Variants in NLGN1 observed in about 807,000 individuals in gnomAD.
NLGN1 encodes the protein neuroligin-1.
NLGN1 carries 12 observed loss-of-function variants against 65.5 expected under a neutral mutation model. That is an observed-to-expected ratio of 0.18 (90% CI 0.12 to 0.30). NLGN1 has a LOEUF of 0.30. NLGN1 is among the 10% of genes least tolerant of loss of function. The pLI, the probability that NLGN1 is intolerant of heterozygous loss-of-function variation, is 1.00. For synonymous variants in NLGN1, 350 were observed against 359.5 expected (o/e 0.97, Z 0.30); for missense variants, 750 against 1,007.1 (o/e 0.74, Z 3.46).
intron 3 of NLGN1, among the ~76,000 whole-genome samples, chr3:173,664,911 A>C (rs555977340): frequency 6.6e-6 from 1 of 152,190 alleles, no homozygotes; most frequent in South Asian, 2.1e-4. Flanking sequence ...AATGCTCTGA[A>C]TTTCCACTGC....
intron 4 of NLGN1, among the ~76,000 whole-genome samples, chr3:173,947,878 A>G (rs1294864889): frequency 6.6e-6 from 1 of 152,230 alleles, no homozygotes; most frequent in Non-Finnish European, 1.5e-5. Context: ...TTGGAGTAAT[A>G]GAGGGACTTT....
chr3:173,815,782 C>T (rs969061319), intron 4 of NLGN1, among the ~76,000 whole-genome samples: 3 of 152,080 alleles, frequency 2.0e-5, no homozygotes, highest in Non-Finnish European at 4.4e-5. Flanking sequence ...CAAGACTAAC[C>T]CTTCCTCAGA....
chr3:173,612,753 C>G (rs1044241770), intron 3 of NLGN1, among the ~76,000 whole-genome samples: 1 of 152,038 alleles, frequency 6.6e-6, no homozygotes, highest in Non-Finnish European at 1.5e-5. Flanking sequence ...AACTGGGTAG[C>G]GTAAACAGCA....
intron 2 of NLGN1, among the ~76,000 whole-genome samples, chr3:173,590,613 A>T (rs1216494999): frequency 6.6e-6 from 1 of 152,170 alleles, no homozygotes; most frequent in African/African-American, 2.4e-5. Context: ...GAATGAATGA[A>T]AATCGACTTG....
At chr3:173,628,182 A>G (rs945202440) in intron 3 of NLGN1, among the ~76,000 whole-genome samples, 1 of 152,084 alleles carries the variant, frequency 6.6e-6, no homozygotes, top group Non-Finnish European at 1.5e-5. Flanking sequence ...CTCTAGGATG[A>G]CCTTGCTCTG....
intron 2 of NLGN1, among the ~76,000 whole-genome samples, chr3:173,526,700 C>T (rs1482769708): frequency 6.6e-6 from 1 of 152,164 alleles, no homozygotes; most frequent in African/African-American, 2.4e-5. Flanking sequence ...GTCTTATTCA[C>T]ACTTTCTAAC....
chr3:173,949,592 A>C (rs936697606), intron 4 of NLGN1, among the ~76,000 whole-genome samples: 2 of 152,294 alleles, frequency 1.3e-5, no homozygotes, highest in Middle Eastern at 3.4e-3. Context: ...TGAATTGTTA[A>C]ATAATCTTCA....
chr3:173,472,214 C>T (rs977785402), intron 2 of NLGN1, among the ~76,000 whole-genome samples: 1 of 152,008 alleles, frequency 6.6e-6, no homozygotes, highest in Non-Finnish European at 1.5e-5. Flanking sequence ...AGCTTCTTAC[C>T]CTGCCCAGTG....
intron 4 of NLGN1, among the ~76,000 whole-genome samples, chr3:174,155,415 C>T (rs758988961): frequency 2.0e-5 from 3 of 151,766 alleles, no homozygotes; most frequent in Non-Finnish European, 4.4e-5. Context: ...AGCTGTAGTA[C>T]TGCAAGAGAA....
chr3:173,781,004 C>A (rs538916107), intron 3 of NLGN1, among the ~76,000 whole-genome samples: 87 of 151,726 alleles, frequency 5.7e-4, no homozygotes, highest in Non-Finnish European at 1.1e-3. Flanking sequence ...ATTAGCCAGG[C>A]GTGGTGGCGG....
At chr3:174,212,235 C>T (rs1270798408) in intron 4 of NLGN1, among the ~76,000 whole-genome samples, 3 of 152,322 alleles carry the variant, frequency 2.0e-5, no homozygotes, top group Middle Eastern at 3.4e-3. Context: ...CCTCACTGTC[C>T]GGGGCCAGCA....
At chr3:173,912,596 A>G (rs768146756) in intron 4 of NLGN1, 1 of 152,172 alleles carries the variant, frequency 6.6e-6, no homozygotes, top group Non-Finnish European at 1.5e-5. Flanking sequence ...CTCTAAAAAC[A>G]TTGGAAAAAC....
At chr3:174,076,845 A>C (rs1401603513) in intron 4 of NLGN1, among the ~76,000 whole-genome samples, 2 of 151,916 alleles carry the variant, frequency 1.3e-5, no homozygotes, top group Non-Finnish European at 2.9e-5. Context: ...GAAATGGCTA[A>C]TGAATTCTAT....
At chr3:173,459,595 C>A (rs746141834) in intron 2 of NLGN1, among the ~76,000 whole-genome samples, 21 of 151,958 alleles carry the variant, frequency 1.4e-4, no homozygotes, top group Non-Finnish European at 2.6e-4. Context: ...TCATGAGAAA[C>A]CATGGAAGTT....
At chr3:173,980,485 G>C (rs1718537247) in intron 4 of NLGN1, among the ~76,000 whole-genome samples, 1 of 151,812 alleles carries the variant, frequency 6.6e-6, no homozygotes, top group Admixed American at 6.6e-5. Flanking sequence ...TTCCCCTTTT[G>C]TTTGACATTT....
intron 4 of NLGN1, among the ~76,000 whole-genome samples, chr3:174,266,645 C>T (rs538832374): frequency 3.2e-4 from 49 of 152,294 alleles, no homozygotes; most frequent in African/African-American, 1.1e-3. Context: ...CTGCTTTCTA[C>T]AGTAGCTGAA....
chr3:173,569,804 T>G (rs762558538), intron 2 of NLGN1, among the ~76,000 whole-genome samples: 1 of 152,188 alleles, frequency 6.6e-6, no homozygotes, highest in African/African-American at 2.4e-5. Flanking sequence ...CAATATGATA[T>G]AGCATAGGCA....
intron 2 of NLGN1, among the ~76,000 whole-genome samples, chr3:173,546,942 G>A (rs532676478): frequency 6.6e-6 from 1 of 152,144 alleles, no homozygotes; most frequent in East Asian, 1.9e-4. Flanking sequence ...AAAGCAATGA[G>A]TACAAAATTA....
chr3:174,266,606 T>C (rs562028144), intron 4 of NLGN1, among the ~76,000 whole-genome samples: 93 of 152,302 alleles, frequency 6.1e-4, no homozygotes, highest in African/African-American at 2.2e-3. Flanking sequence ...ACGGTATTTC[T>C]ATTTTAAGTT....
Sources: allele counts gnomAD v4.1 joint callset (sites outside exome capture counted in the v4.1 genomes callset), GRCh38; gene constraint gnomAD v4.1.1; transcripts MANE v1.5; gene names NCBI Gene and HGNC (gene_info 2026-07-23, HGNC 2026-07-21).